The following DNMT1 variants were observed in gnomAD, a reference collection of about 807,000 sequenced individuals.
DNMT1 encodes the protein DNA (cytosine-5)-methyltransferase 1.
A neutral mutation model predicts 205.3 loss-of-function variants in DNMT1; 24 were observed. The ratio of observed to expected loss-of-function variants is 0.12; its 90% CI spans 0.08 to 0.16. The LOEUF (loss-of-function observed/expected upper bound fraction) is 0.16. Ranked by LOEUF, DNMT1 falls within the 10% of genes least tolerant of loss-of-function variation. The pLI is 1.00. For synonymous variants in DNMT1, 817 were observed against 839.8 expected, an observed-to-expected ratio of 0.97 and a Z score of 0.47; for missense variants, 1,293 against 2,177.7, an observed-to-expected ratio of 0.59 and a Z score of 8.09.
At chr19:10,163,265 C>T in intron 12 of DNMT1, 61 bp downstream of exon 12, 1 of 1,589,850 alleles carries the variant, frequency 6.3e-7, no homozygotes, top group Non-Finnish European at 8.6e-7. Context: ...CCACACCTGG[C>T]CTAGAACAGG....
At chr19:10,185,381 T>C (rs965909362) in intron 1 of DNMT1, among the ~76,000 whole-genome samples, 3 of 148,082 alleles carry the variant, frequency 2.0e-5, no homozygotes, top group Non-Finnish European at 3.0e-5. Flanking sequence ...GCCAAGATCA[T>C]GCCACTGCAC....
Position 10,154,839 on chromosome 19 carries a change from G to A in DNMT1, c.1644+66C>T. On this transcript the variant is annotated intron_variant, in intron 20 of 40. Transcript: ENST00000359526. This position sits in a 1 kb window ranked among gnomAD's most constrained non-coding sequence, Gnocchi z 6.3. ...GGCCTAAATCCAACTGAAGAACAGT[G>A]TCTGCTGGTTCTGAAGGCAAGTTTC... 6.2e-7 allele frequency: 1 copy of A among 1,614,216 alleles called. No homozygotes were observed. Among genetic ancestry groups the A allele is most frequent in the Non-Finnish European group, 8.5e-7 (1 of 1,180,026 alleles).
intron 7 of DNMT1, among the ~76,000 whole-genome samples, chr19:10,174,250 A>T (rs1172470318): frequency 6.6e-6 from 1 of 151,932 alleles, no homozygotes; most frequent in Non-Finnish European, 1.5e-5. Flanking sequence ...GGGAAACCTC[A>T]TCTCTACAAA....
intron 2 of DNMT1, among the ~76,000 whole-genome samples, chr19:10,181,265 T>C (rs2039040273): frequency 6.6e-6 from 1 of 151,566 alleles, no homozygotes. Context: ...TGGGGCAACA[T>C]GACAAAATCC....
At chr19:10,152,643 C>T (rs2038372579) in intron 22 of DNMT1, among the ~76,000 whole-genome samples, 2 of 151,650 alleles carry the variant, frequency 1.3e-5, no homozygotes, top group South Asian at 4.2e-4. Flanking sequence ...CACCTGTGGT[C>T]CCAGCTACTT....
chr19:10,179,684 C>T (rs2039005223), intron 5 of DNMT1, among the ~76,000 whole-genome samples: 1 of 152,058 alleles, frequency 6.6e-6, no homozygotes, highest in African/African-American at 2.4e-5. Flanking sequence ...AAGCCTGCTT[C>T]TAGGTTGAAA....
intron 1 of DNMT1, among the ~76,000 whole-genome samples, chr19:10,185,701 G>A (rs1351779914): frequency 2.6e-5 from 4 of 151,796 alleles, no homozygotes; most frequent in Admixed American, 1.3e-4. Context: ...TGGTTAGTGT[G>A]CACCTGTGGT....
chr19:10,177,874 C>T (rs899796615), intron 5 of DNMT1, among the ~76,000 whole-genome samples: 1 of 147,392 alleles, frequency 6.8e-6, no homozygotes, highest in Non-Finnish European at 1.5e-5. Context: ...TGGGGGTTGC[C>T]GTGAGCCAAG....
At chr19:10,170,743 T>C (rs1158725546) in intron 9 of DNMT1, among the ~76,000 whole-genome samples, 1 of 152,148 alleles carries the variant, frequency 6.6e-6, no homozygotes, top group Non-Finnish European at 1.5e-5. Flanking sequence ...CCTACCTAAG[T>C]TGGTAAGAAA....
intron 1 of DNMT1, among the ~76,000 whole-genome samples, chr19:10,190,805 TAAAATAAA>T (rs2039286790): frequency 1.0e-5 from 1 of 96,092 alleles, no homozygotes; most frequent in Non-Finnish European, 2.1e-5. Flanking sequence ...TAAAATAAAA[TAAAATAAA>T]ATAAAATAAA....
intron 1 of DNMT1, among the ~76,000 whole-genome samples, chr19:10,187,032 CAAG>C (rs1268114309): frequency 6.6e-6 from 1 of 151,714 alleles, no homozygotes; most frequent in East Asian, 1.9e-4. Context: ...TGGAAACACA[CAAG>C]AAACAAACGT....
intron 11 of DNMT1, among the ~76,000 whole-genome samples, chr19:10,164,028 G>A (rs1366914788): frequency 6.6e-6 from 1 of 152,110 alleles, no homozygotes; most frequent in Non-Finnish European, 1.5e-5. Context: ...AGCCCAGAGG[G>A]CATTTACTAC....
Position 10,170,619 on chromosome 19 carries a change from T to C in DNMT1, c.769-2255A>G, listed in dbSNP as rs193277305. Among the ~76,000 whole-genome samples, 350 of 152,274 alleles carry C rather than the reference T, an allele frequency of 2.3e-3. 3 individuals are homozygous for C. The highest frequency in any genetic ancestry group is 8.0e-3 in the African/African-American group (331 of 41,550). ...GAGATCACACCACTGCACTGCAGCC[T>C]GGGCAAGTAGAACAAAACTCCGTCT... On this transcript the variant is annotated intron_variant, in intron 9 of 40. Coordinates refer to ENST00000359526, the MANE Select transcript of DNMT1 (RefSeq NM_001130823.3).
chr19:10,134,661 C>T (rs2089440099), intron 39 of DNMT1, among the ~76,000 whole-genome samples: 1 of 151,944 alleles, frequency 6.6e-6, no homozygotes, highest in Non-Finnish European at 1.5e-5. Flanking sequence ...CGAGAGCAGC[C>T]TCGCCAACAT....
At chr19:10,170,652 C>CA (rs955922621) in intron 9 of DNMT1, among the ~76,000 whole-genome samples, 4 of 151,822 alleles carry the variant, frequency 2.6e-5, no homozygotes, top group East Asian at 3.9e-4. Context: ...TCTCAAAAAA[C>CA]AAAAAAAATT....
Position 10,137,961 on chromosome 19 carries a change from G to A in DNMT1, c.4164C>T (p.Ser1388=), listed in dbSNP as rs779701784. The A allele has an allele frequency of 1.1e-5, 18 of 1,611,554 alleles. No homozygotes were observed. The East Asian group carries it at 1.8e-4, about 16-fold the overall frequency. The change falls in exon 36 of 41, where the codon TCC becomes TCT. Residue 1388 remains serine, a synonymous_variant. Coordinates refer to ENST00000359526, the MANE Select transcript of DNMT1 (RefSeq NM_001130823.3). The surrounding 1 kb of genome is among the most constrained non-coding windows in gnomAD (Gnocchi z 6.4). ...CTCCATTCCGCACCTCCGGCAGGTC[G>A]GACATCGTGTCTCGCACCGTGATGG... The part of the protein sequence containing the change: ...FRTITVRDTM[S]DLPEVRNGAS...
At chr19:10,183,447 T>C (rs1001987665) in intron 1 of DNMT1, among the ~76,000 whole-genome samples, 2 of 152,074 alleles carry the variant, frequency 1.3e-5, no homozygotes, top group African/African-American at 4.8e-5. Context: ...AGACCAGGCA[T>C]GGTGGCTCAC....
intron 1 of DNMT1, among the ~76,000 whole-genome samples, chr19:10,189,461 C>T (rs557450662): frequency 1.3e-5 from 2 of 151,270 alleles, no homozygotes; most frequent in East Asian, 1.9e-4. Context: ...ACTCCTTCAC[C>T]CAGGCTGGAG....
intron 13 of DNMT1, among the ~76,000 whole-genome samples, chr19:10,161,291 G>A (rs903597663): frequency 5.3e-5 from 8 of 151,806 alleles, no homozygotes; most frequent in Non-Finnish European, 1.0e-4. Context: ...GCGGCAGAGC[G>A]AGACTCTGTC....
Sources: gnomAD v4.1 joint callset for allele counts (sites outside exome capture counted in the v4.1 genomes callset) on GRCh38, gnomAD v4.1.1 for gene constraint, Gnocchi (gnomAD v3.1) non-coding constraint, MANE v1.5 for transcripts, NCBI Gene and HGNC (gene_info 2026-07-23, HGNC 2026-07-21) for gene names.